Variants in SASH1 observed in about 807,000 individuals in gnomAD.
SASH1 encodes the protein SAM and SH3 domain containing 1.
SASH1 carries 44 observed loss-of-function variants against 125.2 expected under a neutral mutation model. That is an observed-to-expected ratio of 0.35 (90% confidence interval 0.28 to 0.45). The LOEUF (loss-of-function observed/expected upper bound fraction) is 0.45. Among genes scored for constraint, SASH1 ranks in the 20% least tolerant of loss-of-function variants. The pLI, the probability that SASH1 is intolerant of heterozygous loss-of-function variation, is 1.00. For synonymous variants in SASH1, 639 were observed against 649.1 expected (o/e 0.98, Z 0.24); for missense variants, 1,426 against 1,614.5 (o/e 0.88, Z 2.00).
intron 4 of SASH1, among the ~76,000 whole-genome samples, chr6:148,449,078 C>CTTTTTCTTTTTTTT: frequency 1.1e-5 from 1 of 88,734 alleles, no homozygotes; most frequent in Non-Finnish European, 2.3e-5. Context: ...CATTTCATTT[C>CTTTTTCTTTTTTTT]TTTTTTTTTT....
At chr6:148,525,538 G>A (rs913177977) in intron 11 of SASH1, among the ~76,000 whole-genome samples, 173 bp downstream of exon 11, 8 of 152,164 alleles carry the variant, frequency 5.3e-5, no homozygotes, top group African/African-American at 1.4e-4. Context: ...ACTGTTCCAC[G>A]TGGAATGAAT....
chr6:148,455,574 T>G (rs1387327269), intron 4 of SASH1, among the ~76,000 whole-genome samples: 4 of 151,892 alleles, frequency 2.6e-5, no homozygotes, highest in Non-Finnish European at 5.9e-5. Context: ...TTGGAGTGAG[T>G]CTAGGTGTGG....
intron 8 of SASH1, among the ~76,000 whole-genome samples, chr6:148,496,255 C>A (rs1032355386): frequency 6.6e-6 from 1 of 152,050 alleles, no homozygotes; most frequent in Non-Finnish European, 1.5e-5. Context: ...CCTAAGGGAT[C>A]TTTTCATAAC....
intron 8 of SASH1, among the ~76,000 whole-genome samples, chr6:148,499,674 G>A (rs557264784): frequency 6.6e-6 from 1 of 152,302 alleles, no homozygotes. Flanking sequence ...AGCTTTCCAG[G>A]AGAAGGAGAA....
At chr6:148,474,356 T>G in intron 7 of SASH1, 134 bp downstream of exon 7, 1 of 565,232 alleles carries the variant, frequency 1.8e-6, no homozygotes, top group Non-Finnish European at 3.1e-6. Context: ...GTTTACTTGA[T>G]ACAAACATTC....
Position 148,543,796 on chromosome 6 carries a change from G to A in SASH1, c.2326G>A (p.Asp776Asn), listed in dbSNP as rs748469182. 1 of 1,614,130 alleles carries A rather than the reference G, an allele frequency of 6.2e-7. No homozygotes were observed. The highest frequency in any genetic ancestry group is 8.5e-7 in the Non-Finnish European group (1 of 1,180,014). The stretch of plus-strand genomic sequence containing the variant: ...AACATTGCCTTTAATGAAATCAGGG[G>A]ATGCACTGAAGCAGGGACAGGAGGA... Reference protein sequence around the residue: ...YPTLPLMKSGDALKQGQEEGR... With the variant: ...YPTLPLMKSGNALKQGQEEGR... Residue 776 changes from aspartate (D) to asparagine (N), a missense_variant, in exon 18 of 20, where the codon GAT becomes AAT. Asp to Asn is a conservative substitution (Grantham distance 23). Transcript: ENST00000367467.
At chr6:148,482,582 C>T (rs1051618778) in intron 7 of SASH1, among the ~76,000 whole-genome samples, 1 of 150,514 alleles carries the variant, frequency 6.6e-6, no homozygotes, top group African/African-American at 2.4e-5. Flanking sequence ...AGTGCAGTGG[C>T]GTGATAATGG....
intron 15 of SASH1, 82 bp downstream of exon 15, chr6:148,534,062 A>G: frequency 7.7e-7 from 1 of 1,304,778 alleles, no homozygotes; most frequent in Non-Finnish European, 1.1e-6. Context: ...GGGCATTTTT[A>G]GGGTAGGGTT....
the SASH1 span, among the ~76,000 whole-genome samples, chr6:148,214,544 G>C: frequency 6.6e-6 from 1 of 152,036 alleles, no homozygotes; most frequent in Non-Finnish European, 1.5e-5. Context: ...ACTTACTTAG[G>C]ACAGTGTCTA....
At chr6:148,520,284 C>T (rs907383245) in intron 10 of SASH1, 1 of 184,944 alleles carries the variant, frequency 5.4e-6, no homozygotes, top group East Asian at 1.3e-4. Flanking sequence ...GGACCTGAGG[C>T]GGTGCCTGCT....
rs10659889 is a variant in SASH1 at position 148,337,223 on chromosome 6, A to ATTTT, written n.75-52896_75-52893dup. 4.2e-3 allele frequency among the ~76,000 whole-genome samples: 518 copies of ATTTT among 124,560 alleles called. 9 individuals carry two copies. The highest frequency in any genetic ancestry group is 0.01 in the South Asian group (38 of 3,728). The allele number at this position is 124,560 out of a possible 152,430, so 81.7% of individuals were successfully genotyped here. On this transcript the variant is annotated intron_variant and non_coding_transcript_variant, in intron 1 of 3. Coordinates refer to the SASH1 transcript ENST00000367469. The stretch of plus-strand genomic sequence containing the variant: ...AGGTGCCCACCACTACATCCAGCTA[A>ATTTT]TTTTTTTTTTTTTTTTTTGAGATGG...
At chr6:148,528,199 A>G (rs985687004) in intron 12 of SASH1, among the ~76,000 whole-genome samples, 1 of 152,168 alleles carries the variant, frequency 6.6e-6, no homozygotes, top group Non-Finnish European at 1.5e-5. Context: ...CTATAATTTC[A>G]TTGCTAGAGA....
chr6:148,513,409 A>G, intron 8 of SASH1: 1 of 985,434 alleles, frequency 1.0e-6, no homozygotes, highest in Non-Finnish European at 1.2e-6. Context: ...TTAGTCAGAG[A>G]TCTCTTATGC....
intron 6 of SASH1, among the ~76,000 whole-genome samples, chr6:148,473,863 A>G (rs946062092): frequency 1.3e-5 from 2 of 152,146 alleles, no homozygotes; most frequent in African/African-American, 2.4e-5. Flanking sequence ...GGCTCTGATC[A>G]TCTTGAAGGA....
At chr6:148,349,619 A>G (rs1041725916) in intron 1 of SASH1, among the ~76,000 whole-genome samples, 4 of 152,004 alleles carry the variant, frequency 2.6e-5, no homozygotes, top group African/African-American at 9.7e-5. Context: ...GGAGGGAAGG[A>G]GACTACTTTA....
rs576617062 is a variant in SASH1, at chr6:148,391,992, T to G, written c.285+1730T>G. Among the ~76,000 whole-genome samples the G allele has an allele frequency of 7.9e-5, 12 of 152,236 alleles. No homozygotes were observed. In the South Asian group the frequency reaches 2.5e-3, roughly 32 times the overall value. ...GAGTTCCTCTGCCTTTAAAAAAATGTTTGAAAACTAAGCCGGGAGCGGTGG... is the reference window on the plus strand; with the variant it reads ...GAGTTCCTCTGCCTTTAAAAAAATGGTTGAAAACTAAGCCGGGAGCGGTGG... On this transcript the variant is annotated intron_variant, in intron 2 of 19. Transcript: ENST00000367467.
chr6:148,338,363 GT>G (rs1781224549), upstream of SASH1, among the ~76,000 whole-genome samples: 1 of 149,756 alleles, frequency 6.7e-6, no homozygotes. Context: ...GGAGACAGAG[GT>G]TACAGTGAGC....
chr6:148,307,827 T>A (rs566041130), intron 1 of SASH1, among the ~76,000 whole-genome samples: 1 of 152,132 alleles, frequency 6.6e-6, no homozygotes. Flanking sequence ...TGGCTCAGGG[T>A]TTGATGACTT....
At chr6:148,443,199 T>C (rs2115012692) in intron 4 of SASH1, among the ~76,000 whole-genome samples, 1 of 151,038 alleles carries the variant, frequency 6.6e-6, no homozygotes, top group East Asian at 1.9e-4. Context: ...ACGTCTTTTG[T>C]CACATTTAAT....
Sources: gnomAD v4.1 joint callset for allele counts (sites outside exome capture counted in the v4.1 genomes callset) on GRCh38, gnomAD v4.1.1 for gene constraint, MANE v1.5 for transcripts, NCBI Gene and HGNC (gene_info 2026-07-23, HGNC 2026-07-21) for gene names.